STAG1: variants seen among roughly 807,000 people sequenced by gnomAD.
The protein encoded by STAG1 is STAG1 cohesin complex component.
Under a neutral mutation model 170.9 loss-of-function variants are expected in STAG1, and 26 were observed. That is an observed-to-expected ratio of 0.15 (90% confidence interval 0.11 to 0.21). The LOEUF (loss-of-function observed/expected upper bound fraction) is 0.21, where lower values mean the gene tolerates loss of function less well. Ranked by LOEUF, STAG1 falls within the 10% of genes least tolerant of loss-of-function variation. STAG1 has a pLI of 1.00. For synonymous variants in STAG1, 514 were observed against 497.7 expected (o/e 1.03, Z -0.44); for missense variants, 964 against 1,509.5 (o/e 0.64, Z 5.99).
intron 15 of STAG1, among the ~76,000 whole-genome samples, chr3:136,442,089 T>C (rs1449207883): frequency 6.6e-6 from 1 of 152,120 alleles, no homozygotes; most frequent in South Asian, 2.1e-4. Flanking sequence ...TCCCAGCTAC[T>C]CAGGAGCCTG....
intron 13 of STAG1, among the ~76,000 whole-genome samples, chr3:136,460,866 TAACAACAACAA>T (rs1178751598): frequency 1.3e-5 from 2 of 151,918 alleles, no homozygotes; most frequent in East Asian, 1.9e-4. Context: ...AAAGACAAAA[TAACAACAACAA>T]AACAACAACA....
At chr3:136,715,515 G>A (rs1439417877) in intron 1 of STAG1, among the ~76,000 whole-genome samples, 2 of 151,984 alleles carry the variant, frequency 1.3e-5, no homozygotes, top group African/African-American at 4.8e-5. Context: ...AACTACTTAG[G>A]AGGCTGAGGC....
At chr3:136,438,262 TG>T (rs2088516179) in intron 15 of STAG1, among the ~76,000 whole-genome samples, 1 of 139,770 alleles carries the variant, frequency 7.2e-6, no homozygotes, top group African/African-American at 2.5e-5. Context: ...TTTTTTGAGA[TG>T]GAGTCTCGCT....
chr3:136,579,049 T>C (rs182953688), intron 4 of STAG1, among the ~76,000 whole-genome samples: 95 of 152,326 alleles, frequency 6.2e-4, no homozygotes, highest in African/African-American at 2.2e-3. Context: ...TGGTAAAATC[T>C]ATTACATCTT....
At chr3:136,701,244 A>G (rs1343507414) in intron 1 of STAG1, among the ~76,000 whole-genome samples, 1 of 151,484 alleles carries the variant, frequency 6.6e-6, no homozygotes, top group Non-Finnish European at 1.5e-5. Context: ...TCTTCAGAAA[A>G]CTCTGAATAT....
At chr3:136,688,286 A>G (rs148041459) in intron 1 of STAG1, among the ~76,000 whole-genome samples, 1 of 152,302 alleles carries the variant, frequency 6.6e-6, no homozygotes, top group Non-Finnish European at 1.5e-5. Context: ...GTTCTTATGT[A>G]AGTGTCTTCT....
At chr3:136,349,919 C>A (rs1302963047) in intron 28 of STAG1, among the ~76,000 whole-genome samples, 1 of 152,108 alleles carries the variant, frequency 6.6e-6, no homozygotes, top group South Asian at 2.1e-4. Context: ...CTTTGGGAGG[C>A]CGAGGTGGGC....
At chr3:136,662,479 C>G (rs1256858390) in intron 1 of STAG1, among the ~76,000 whole-genome samples, 1 of 152,056 alleles carries the variant, frequency 6.6e-6, no homozygotes. Context: ...GGGTCTCACT[C>G]TGTTGCCCAG....
At chr3:136,476,098 A>C (rs554376652) in intron 10 of STAG1, among the ~76,000 whole-genome samples, 56 of 152,332 alleles carry the variant, frequency 3.7e-4, no homozygotes, top group African/African-American at 1.1e-3. Context: ...TAGGCCTGAA[A>C]ATATGGCTCA....
rs1269467613 is a variant in STAG1, at chr3:136,366,990, T to C, written c.2638A>G (p.Ile880Val). 1.2e-6 allele frequency: 2 copies of C among 1,611,136 alleles called. No homozygotes were observed. Among genetic ancestry groups the C allele is most frequent in the East Asian group, 2.2e-5 (1 of 44,832 alleles). ...AAFSKLIIYD[I>V]VDMHAAADIF... ...TCTGCAGCTGCATGCATGTCAACAA[T>C]GTCATAAATGATAAGTTTGCTGAAA... The change falls in exon 25 of 34, where the codon ATT (isoleucine) becomes GTT (valine). Residue 880 changes from isoleucine to valine, a missense_variant. Around this residue, in one of 11 missense-constraint regions of STAG1, gnomAD observed 149 missense variants for 301.3 expected, o/e 0.49. Coordinates refer to ENST00000383202, the MANE Select transcript of STAG1 (RefSeq NM_005862.3).
At chr3:136,691,027 G>A (rs1472503208) in intron 1 of STAG1, among the ~76,000 whole-genome samples, 1 of 151,770 alleles carries the variant, frequency 6.6e-6, no homozygotes, top group Admixed American at 6.6e-5. Context: ...GCTGGGCATG[G>A]TGGCTCAAGC....
chr3:136,491,331 T>C (rs115498810), intron 9 of STAG1, among the ~76,000 whole-genome samples: 2,280 of 152,264 alleles, frequency 0.015, 34 homozygotes, highest in Non-Finnish European at 0.023. Context: ...GTGAAGTATC[T>C]GACACTACCC....
chr3:136,487,155 G>A (rs769965244), intron 9 of STAG1, among the ~76,000 whole-genome samples: 4 of 152,038 alleles, frequency 2.6e-5, no homozygotes, highest in Non-Finnish European at 5.9e-5. Flanking sequence ...ACAGGCACTG[G>A]TGTGTGCTGT....
intron 1 of STAG1, among the ~76,000 whole-genome samples, chr3:136,701,334 C>A (rs1943054353): frequency 6.6e-6 from 1 of 152,022 alleles, no homozygotes; most frequent in African/African-American, 2.4e-5. Context: ...GAATTTTATC[C>A]TTGACCTTTT....
Position 136,604,455 on chromosome 3 carries a change from G to A in STAG1, c.151C>T (p.Arg51Ter), listed in dbSNP as rs756038284. The A allele has an allele frequency of 6.3e-7, 1 of 1,598,766 alleles. No homozygotes were observed. The highest frequency in any genetic ancestry group is 1.8e-5 in the Admixed American group (1 of 55,758). ...GRPPSTNKKP[R>*]KSPGEKSRIE... ...CTGCTCTTCTCACCTGGAGATTTTC[G>A]AGGTTTCTTATTTGTAGACTGAAAA... The change falls in exon 4 of 34, where the codon CGA becomes TGA. Residue 51 changes from arginine (R) to a stop codon, truncating the protein, a stop_gained. Coordinates refer to ENST00000383202, the MANE Select transcript of STAG1 (RefSeq NM_005862.3). LOFTEE classifies it high-confidence loss of function.
intron 22 of STAG1, among the ~76,000 whole-genome samples, chr3:136,392,045 C>T (rs948640343): frequency 1.1e-4 from 16 of 152,052 alleles, no homozygotes; most frequent in African/African-American, 3.9e-4. Flanking sequence ...TTCATAATCT[C>T]CTGAATGAGT....
intron 21 of STAG1, among the ~76,000 whole-genome samples, chr3:136,404,520 G>T (rs905660276): frequency 6.6e-6 from 1 of 152,076 alleles, no homozygotes; most frequent in East Asian, 1.9e-4. Context: ...GATACTTTAC[G>T]GTTATGGGTG....
At chr3:136,641,969 C>T (rs761742916) in intron 1 of STAG1, among the ~76,000 whole-genome samples, 1 of 152,122 alleles carries the variant, frequency 6.6e-6, no homozygotes, top group Non-Finnish European at 1.5e-5. Flanking sequence ...AAATACAACT[C>T]AATAAAAGAT....
intron 5 of STAG1, among the ~76,000 whole-genome samples, chr3:136,555,048 C>T (rs1039307651): frequency 1.3e-5 from 2 of 149,354 alleles, no homozygotes; most frequent in African/African-American, 4.9e-5. Flanking sequence ...TATATATATA[C>T]ATATATGCAC....
Sources: gnomAD v4.1 joint callset for allele counts (sites outside exome capture counted in the v4.1 genomes callset) on GRCh38, gnomAD v4.1.1 for gene constraint, gnomAD v4.1.1 regional missense constraint, MANE v1.5 for transcripts, NCBI Gene and HGNC (gene_info 2026-07-23, HGNC 2026-07-21) for gene names.